RAB38: variants seen among roughly 807,000 people sequenced by gnomAD.
RAB38 encodes the protein ras-related protein Rab-38.
RAB38 carries 15 observed loss-of-function variants against 18.4 expected under a neutral mutation model. The observed-to-expected ratio is 0.82, with a 90% CI of 0.55 to 1.26. The LOEUF (loss-of-function observed/expected upper bound fraction) is 1.26. RAB38 is among the 50% of genes most tolerant of loss of function. RAB38 has a pLI of 0.00. For missense variants in RAB38, 294 were observed against 267.4 expected (o/e 1.10, Z -0.69); for synonymous variants, 101 against 104.4 (o/e 0.97, Z 0.20).
chr11:88,109,200 G>C (rs1942441241), downstream of RAB38, among the ~76,000 whole-genome samples: 1 of 152,010 alleles, frequency 6.6e-6, no homozygotes, highest in Non-Finnish European at 1.5e-5. Context: ...ATAGAACAGA[G>C]GCCTCAGGAA....
chr11:87,941,902 A>C, the RAB38 span, among the ~76,000 whole-genome samples: 1 of 152,064 alleles, frequency 6.6e-6, no homozygotes, highest in Non-Finnish European at 1.5e-5. Flanking sequence ...GTCAGCAGAA[A>C]GAAGCTCTCC....
At chr11:88,026,060 G>T in the RAB38 span, among the ~76,000 whole-genome samples, 1 of 151,956 alleles carries the variant, frequency 6.6e-6, no homozygotes, top group South Asian at 2.1e-4. Context: ...TGCCTCCTGG[G>T]TTCAAGCTAT....
the RAB38 span, among the ~76,000 whole-genome samples, chr11:88,042,175 C>A: frequency 6.6e-6 from 1 of 152,126 alleles, no homozygotes; most frequent in Non-Finnish European, 1.5e-5. Context: ...AATCATAGGT[C>A]ATAGACTTCC....
the RAB38 span, among the ~76,000 whole-genome samples, chr11:87,894,764 CATAT>C: frequency 6.7e-6 from 1 of 149,160 alleles, no homozygotes; most frequent in Admixed American, 6.7e-5. Context: ...CATTATATAT[CATAT>C]ATATGTACAC....
chr11:88,066,959 T>C, the RAB38 span, among the ~76,000 whole-genome samples: 4 of 152,202 alleles, frequency 2.6e-5, no homozygotes, highest in African/African-American at 7.2e-5. Context: ...GTGATGTCTT[T>C]CATTATAAAT....
At chr11:88,055,896 G>C in the RAB38 span, among the ~76,000 whole-genome samples, 2 of 152,212 alleles carry the variant, frequency 1.3e-5, no homozygotes, top group African/African-American at 4.8e-5. Context: ...GGAGGCCCTG[G>C]TGATCTAATG....
chr11:87,907,702 A>C, the RAB38 span, among the ~76,000 whole-genome samples: 1 of 151,748 alleles, frequency 6.6e-6, no homozygotes, highest in Non-Finnish European at 1.5e-5. Context: ...TTAGAACTGA[A>C]TAATCTGGTT....
chr11:88,160,335 T>C (rs145031168), intron 1 of RAB38, among the ~76,000 whole-genome samples: 127 of 151,990 alleles, frequency 8.4e-4, no homozygotes, highest in African/African-American at 2.7e-3. Context: ...ACAACAAATA[T>C]TGGCAAGGCT....
chr11:88,124,115 T>C (rs1245449439), intron 2 of RAB38, among the ~76,000 whole-genome samples: 1 of 152,224 alleles, frequency 6.6e-6, no homozygotes, highest in African/African-American at 2.4e-5. Flanking sequence ...TGTGTAAAAA[T>C]GGATGTGTTG....
the RAB38 span, among the ~76,000 whole-genome samples, chr11:87,924,032 GAC>G: frequency 0.26 from 39,251 of 148,746 alleles, 5,471 homozygotes; most frequent in South Asian, 0.36. Context: ...AGTAAATACA[GAC>G]ACACACACAC....
the RAB38 span, among the ~76,000 whole-genome samples, chr11:87,971,645 C>G: frequency 1.9e-3 from 285 of 152,204 alleles, no homozygotes; most frequent in Middle Eastern, 6.8e-3. Flanking sequence ...TCTATAGATA[C>G]AGAGTGAAAG....
the RAB38 span, among the ~76,000 whole-genome samples, chr11:87,954,569 T>C: frequency 2.6e-5 from 4 of 152,010 alleles, no homozygotes; most frequent in Admixed American, 6.6e-5. Context: ...GAAATTTCTG[T>C]GCCTTATCTG....
At chr11:87,931,793 C>A in the RAB38 span, among the ~76,000 whole-genome samples, 1 of 152,016 alleles carries the variant, frequency 6.6e-6, no homozygotes, top group Non-Finnish European at 1.5e-5. Flanking sequence ...ATAATTCTTG[C>A]CTACAATCTG....
chr11:88,023,367 A>C, the RAB38 span, among the ~76,000 whole-genome samples: 1 of 151,634 alleles, frequency 6.6e-6, no homozygotes, highest in Non-Finnish European at 1.5e-5. Flanking sequence ...TCTACAAAAA[A>C]AAAACCTACA....
the RAB38 span, among the ~76,000 whole-genome samples, chr11:87,852,843 C>A: frequency 0.029 from 4,419 of 152,160 alleles, 136 homozygotes; most frequent in African/African-American, 0.076. Flanking sequence ...TTTCAAATTC[C>A]CATGGGTGTC....
At chr11:87,894,945 G>C in the RAB38 span, among the ~76,000 whole-genome samples, 1 of 151,568 alleles carries the variant, frequency 6.6e-6, no homozygotes, top group African/African-American at 2.4e-5. Context: ...GATTACAGCT[G>C]AGACTCCTGG....
the RAB38 span, among the ~76,000 whole-genome samples, chr11:87,866,416 C>A: frequency 1.3e-5 from 2 of 151,654 alleles, no homozygotes; most frequent in East Asian, 3.9e-4. Context: ...ATTCTTCATT[C>A]ACTTCTCTTT....
At chr11:88,056,518 T>C in the RAB38 span, among the ~76,000 whole-genome samples, 1 of 152,090 alleles carries the variant, frequency 6.6e-6, no homozygotes, top group Non-Finnish European at 1.5e-5. Flanking sequence ...TAAATTGTCA[T>C]GAGGGGCCCG....
intron 2 of RAB38, among the ~76,000 whole-genome samples, chr11:88,122,908 T>A (rs1032324185): frequency 6.6e-6 from 1 of 152,024 alleles, no homozygotes; most frequent in South Asian, 2.1e-4. Context: ...CATGTTGGAG[T>A]CAAGCTTTAA....
Sources: allele counts gnomAD v4.1 joint callset (sites outside exome capture counted in the v4.1 genomes callset), GRCh38; gene constraint gnomAD v4.1.1; transcripts MANE v1.5; gene names NCBI Gene and HGNC (gene_info 2026-07-23, HGNC 2026-07-21).